The following KCNQ1OT1 variants were observed in gnomAD, a reference collection of about 807,000 sequenced individuals.
KCNQ1OT1 encodes KCNQ1 antisense RNA 2 (non-protein coding).
At position 2,661,163 on chromosome 11, in the gene KCNQ1OT1, C is replaced by T. The variant is rs1849949681; in HGVS notation, n.38832G>A. On this transcript the variant is annotated non_coding_transcript_exon_variant, in exon 1 of 1. Transcript: ENST00000597346. The surrounding 1 kb of genome is among the most constrained non-coding windows in gnomAD (Gnocchi z 5.9). The stretch of plus-strand genomic sequence containing the variant: ...GGCTAGGGATCTAGTTGGCAGTTAA[C>T]ACTGATGACCTTGGGGGAGGAAAGC... 2.5e-6 allele frequency: 1 copy of T among 398,590 alleles called. No homozygotes were observed. The allele number at this position is 398,590 out of a possible 1,614,324, so 24.7% of individuals were successfully genotyped here.
At position 2,669,650 on chromosome 11, in the gene KCNQ1OT1, G is replaced by C. The variant is rs1425288094; in HGVS notation, n.30345C>G. 1.3e-5 allele frequency: 5 copies of C among 398,512 alleles called. No homozygotes were observed. In the East Asian group the frequency reaches 1.8e-4, roughly 14 times the overall value. The allele number at this position is 398,512 out of a possible 1,614,324, so 24.7% of individuals were successfully genotyped here. A position where few individuals can be genotyped will look rare whatever the true frequency, so the allele number is the denominator to read the frequency against. ...CTCAGTTTCCTCTTGTATACATTGG[G>C]AGTATATCTCACAGTATTAGTGTAA... On this transcript the variant is annotated non_coding_transcript_exon_variant, in exon 1 of 1. Coordinates refer to ENST00000597346, the Ensembl canonical transcript of KCNQ1OT1. The surrounding 1 kb of genome is among the most constrained non-coding windows in gnomAD (Gnocchi z 5.6).
At chr11:2,681,288 C>G (rs967563156) in exon 1 of KCNQ1OT1, 33 of 398,386 alleles carry the variant, frequency 8.3e-5, no homozygotes, top group Middle Eastern at 6.2e-4. Flanking sequence ...CTATACCTTC[C>G]TGTCCTACCA....
Position 2,652,848 on chromosome 11 carries a change from G to A in KCNQ1OT1, n.47147C>T, listed in dbSNP as rs896012767. 1.0e-5 allele frequency: 4 copies of A among 398,624 alleles called. No individual in the cohort carries two copies. The highest frequency in any genetic ancestry group is 8.2e-5 in the African/African-American group (4 of 48,620). The allele number at this position is 398,624 out of a possible 1,614,324, so 24.7% of individuals were successfully genotyped here. A position where few individuals can be genotyped will look rare whatever the true frequency, so the allele number is the denominator to read the frequency against. ...TCACTCTGAGATTTGTGTATGCTGA[G>A]GCTTGCTATACTTATTCTAAGGAGA... On this transcript the variant is annotated non_coding_transcript_exon_variant, in exon 1 of 1. Transcript: ENST00000597346. This position sits in a 1 kb window ranked among gnomAD's most constrained non-coding sequence, Gnocchi z 5.9.
Position 2,687,402 on chromosome 11 carries a change from A to G in KCNQ1OT1, n.12593T>C. The G allele has an allele frequency of 2.5e-6, 1 of 398,588 alleles. No homozygotes were observed. Among genetic ancestry groups the G allele is most frequent in the South Asian group, 1.3e-4 (1 of 7,866 alleles). The allele number at this position is 398,588 out of a possible 1,614,324, so 24.7% of individuals were successfully genotyped here. A position where few individuals can be genotyped will look rare whatever the true frequency, so the allele number is the denominator to read the frequency against. On this transcript the variant is annotated non_coding_transcript_exon_variant, in exon 1 of 1. Coordinates refer to ENST00000597346, the Ensembl canonical transcript of KCNQ1OT1. This position sits in a 1 kb window ranked among gnomAD's most constrained non-coding sequence, Gnocchi z 5.0. ...GCTGAGCTCTGCTGAAGGATCTGGG[A>G]GGTCAGTAGGCACCTGTGTCCACCC...
Position 2,625,726 on chromosome 11 carries a change from C to T in KCNQ1OT1, n.74269G>A, listed in dbSNP as rs546505339. On this transcript the variant is annotated non_coding_transcript_exon_variant, in exon 1 of 1. Transcript: ENST00000597346. ...CTGGGACTACAGGCGCCCACCACCA[C>T]GCCTGGCTAATTTTTTGTATTTTTA... The T allele has an allele frequency of 1.2e-4, 48 of 397,468 alleles. 1 individual carries two copies. The South Asian group carries it at 3.6e-3, about 29-fold the overall frequency. The allele number at this position is 397,468 out of a possible 1,614,324, so 24.6% of individuals were successfully genotyped here.
Position 2,682,880 on chromosome 11 carries a change from T to C in KCNQ1OT1, n.17115A>G, listed in dbSNP as rs541399111. ...AGACCAGGAAACTGAGGCTTGGGGATAGCAGATGTTCCCAGACAGAAAATG... is the reference window on the plus strand; with the variant it reads ...AGACCAGGAAACTGAGGCTTGGGGACAGCAGATGTTCCCAGACAGAAAATG... On this transcript the variant is annotated non_coding_transcript_exon_variant, in exon 1 of 1. Coordinates refer to ENST00000597346, the Ensembl canonical transcript of KCNQ1OT1. The surrounding 1 kb of genome is among the most constrained non-coding windows in gnomAD (Gnocchi z 5.8). 2.5e-6 allele frequency: 1 copy of C among 398,634 alleles called. No individual in the cohort carries two copies. Among genetic ancestry groups the C allele is most frequent in the African/African-American group, 2.1e-5 (1 of 48,754 alleles). The allele number at this position is 398,634 out of a possible 1,614,324, so 24.7% of individuals were successfully genotyped here. A position where few individuals can be genotyped will look rare whatever the true frequency, so the allele number is the denominator to read the frequency against.
chr11:2,625,741 T>G (rs963500224), exon 1 of KCNQ1OT1: 1 of 397,678 alleles, frequency 2.5e-6, no homozygotes, highest in African/African-American at 2.1e-5. Context: ...GGCTAATTTT[T>G]TGTATTTTTA....
rs1185827343 is a variant in KCNQ1OT1, at chr11:2,691,663, AAC to A, written n.8330_8331del. 2 of 398,422 alleles carry A rather than the reference AAC, an allele frequency of 5.0e-6. No homozygotes were observed. The allele number at this position is 398,422 out of a possible 1,614,324, so 24.7% of individuals were successfully genotyped here. On this transcript the variant is annotated non_coding_transcript_exon_variant, in exon 1 of 1. Transcript: ENST00000597346. The surrounding 1 kb of genome is among the most constrained non-coding windows in gnomAD (Gnocchi z 6.4). ...TTTACCGCCACAGTTCCAAGGGTGA[AAC>A]AGAGAACCAGGTGGGGAAGGGGTCT...
chr11:2,667,550 GGA>G (rs1850100771), exon 1 of KCNQ1OT1: 1 of 369,846 alleles, frequency 2.7e-6, no homozygotes, highest in African/African-American at 2.1e-5. Flanking sequence ...ATATTGTCAT[GGA>G]GACACTTCTG....
At chr11:2,672,755 A>G (rs1005429973) in exon 1 of KCNQ1OT1, 8 of 398,694 alleles carry the variant, frequency 2.0e-5, no homozygotes, top group South Asian at 2.5e-4. Flanking sequence ...TTGCTGGTCC[A>G]GCATGGCCTG....
chr11:2,648,844 C>T, exon 1 of KCNQ1OT1: 1 of 398,442 alleles, frequency 2.5e-6, no homozygotes, highest in Non-Finnish European at 4.4e-6. Context: ...GGGTCTATCT[C>T]TTTAGCACTA....
exon 1 of KCNQ1OT1, chr11:2,688,258 G>T (rs1850525964): frequency 2.5e-6 from 1 of 398,604 alleles, no homozygotes; most frequent in Admixed American, 4.4e-5. Flanking sequence ...ATCTGAGAGG[G>T]AGGCGCCATG....
Position 2,627,293 on chromosome 11 carries a change from A to G in KCNQ1OT1, n.72702T>C, listed in dbSNP as rs990977250. The G allele has an allele frequency of 7.5e-6, 3 of 398,392 alleles. No individual in the cohort carries two copies. Among genetic ancestry groups the G allele is most frequent in the Non-Finnish European group, 1.3e-5 (3 of 226,042 alleles). The allele number at this position is 398,392 out of a possible 1,614,324, so 24.7% of individuals were successfully genotyped here. A position where few individuals can be genotyped will look rare whatever the true frequency, so the allele number is the denominator to read the frequency against. On this transcript the variant is annotated non_coding_transcript_exon_variant, in exon 1 of 1. Coordinates refer to ENST00000597346, the Ensembl canonical transcript of KCNQ1OT1. This position sits in a 1 kb window ranked among gnomAD's most constrained non-coding sequence, Gnocchi z 4.9. The stretch of plus-strand genomic sequence containing the variant: ...AAGCCAATTAACATATACCTTACAT[A>G]GTTGCCATGTGTGTGCGTGTGTGTG...
Position 2,653,431 on chromosome 11 carries a change from G to C in KCNQ1OT1, n.46564C>G, listed in dbSNP as rs566507067. 13 of 398,668 alleles carry C rather than the reference G, an allele frequency of 3.3e-5. No individual in the cohort carries two copies. The East Asian group carries it at 3.9e-4, about 12-fold the overall frequency. The allele number at this position is 398,668 out of a possible 1,614,324, so 24.7% of individuals were successfully genotyped here. A position where few individuals can be genotyped will look rare whatever the true frequency, so the allele number is the denominator to read the frequency against. On this transcript the variant is annotated non_coding_transcript_exon_variant, in exon 1 of 1. Transcript: ENST00000597346. This position sits in a 1 kb window ranked among gnomAD's most constrained non-coding sequence, Gnocchi z 5.3. ...GGAACCCCAACTCAAACAAGCTTAA[G>C]CACAAAAGGGACATTTTTTGGCTCA...
At chr11:2,681,769 G>T (rs1850402527) in exon 1 of KCNQ1OT1, 2 of 398,334 alleles carry the variant, frequency 5.0e-6, no homozygotes, top group Admixed American at 8.8e-5. Context: ...GGGGCCCTGG[G>T]ACCTGGGAGG....
At position 2,682,935 on chromosome 11, in the gene KCNQ1OT1, G is replaced by A. The variant is rs1414740267; in HGVS notation, n.17060C>T. 3 of 398,486 alleles carry A rather than the reference G, an allele frequency of 7.5e-6. No homozygotes were observed. The highest frequency in any genetic ancestry group is 1.3e-4 in the South Asian group (1 of 7,856). The allele number at this position is 398,486 out of a possible 1,614,324, so 24.7% of individuals were successfully genotyped here. On this transcript the variant is annotated non_coding_transcript_exon_variant, in exon 1 of 1. Transcript: ENST00000597346. This position sits in a 1 kb window ranked among gnomAD's most constrained non-coding sequence, Gnocchi z 5.8. Reference sequence around the variant, plus strand: ...CACCTGGAGAGGTGCTCAGGTCTGTGTGGAAGAAAGGACAGGAGTCCTTCT... The same window carrying A: ...CACCTGGAGAGGTGCTCAGGTCTGTATGGAAGAAAGGACAGGAGTCCTTCT...
chr11:2,640,167 T>A (rs888359697), exon 1 of KCNQ1OT1: 2 of 377,996 alleles, frequency 5.3e-6, no homozygotes, highest in Admixed American at 4.5e-5. Flanking sequence ...GGTGAGGCGA[T>A]GCCTCGCCCT....
At chr11:2,648,945 T>G in exon 1 of KCNQ1OT1, 1 of 397,774 alleles carries the variant, frequency 2.5e-6, no homozygotes, top group Non-Finnish European at 4.4e-6. Flanking sequence ...CCATTTATAA[T>G]TATATAATGA....
At position 2,610,716 on chromosome 11, in the gene KCNQ1OT1, C is replaced by CTTTTTTT. The variant is rs1167505141; in HGVS notation, n.89272_89278dup. The CTTTTTTT allele has an allele frequency of 3.7e-4, 84 of 230,060 alleles. 3 individuals are homozygous for CTTTTTTT. The highest frequency in any genetic ancestry group is 2.3e-3 in the East Asian group (38 of 16,540). 14.3% of individuals were successfully genotyped at this position (230,060 alleles called of 1,614,324 possible). On this transcript the variant is annotated non_coding_transcript_exon_variant, in exon 1 of 1. Transcript: ENST00000597346. ...TTCTGGACACAGTATTCTTGGTTGG[C>CTTTTTTT]TTTTTTTTTTTTTTTTTTTTTTTTT...
Sources: allele counts gnomAD v4.1 joint callset, GRCh38; gene constraint gnomAD v4.1.1; non-coding constraint Gnocchi (gnomAD v3.1); transcripts MANE v1.5; gene names NCBI Gene and HGNC (gene_info 2026-07-23, HGNC 2026-07-21).